Variants in OR2AT4 observed in about 807,000 individuals in gnomAD.
OR2AT4 encodes olfactory receptor family 2 subfamily AT member 4.
OR2AT4 carries 6 observed loss-of-function variants against 10.3 expected under a neutral mutation model. That is an observed-to-expected ratio of 0.58 (90% CI 0.32 to 1.15). OR2AT4 has a LOEUF of 1.15. Ranked by LOEUF, OR2AT4 falls within the 50% of genes most tolerant of loss-of-function variation. The pLI, the probability that OR2AT4 is intolerant of heterozygous loss-of-function variation, is 0.05. For synonymous variants in OR2AT4, 145 were observed against 159.1 expected (o/e 0.91, Z 0.67); for missense variants, 354 against 393.8 (o/e 0.90, Z 0.85).
chr11:75,088,682 T>G, exon 2 of OR2AT4: 3 of 1,391,448 alleles, frequency 2.2e-6, no homozygotes, highest in Non-Finnish European at 2.9e-6. Context: ...TTATCATGTA[T>G]TGAGTCCTTT....
At chr11:75,085,855 A>C (rs1203736737) in exon 2 of OR2AT4, 8 of 152,146 alleles carry the variant, frequency 5.3e-5, no homozygotes, top group Admixed American at 4.6e-4. Flanking sequence ...AATTTATATC[A>C]AAAAGCAAAG....
At chr11:75,090,659 A>G (rs1005029054) in intron 1 of OR2AT4, among the ~76,000 whole-genome samples, 5 of 152,210 alleles carry the variant, frequency 3.3e-5, no homozygotes, top group Non-Finnish European at 7.3e-5. Flanking sequence ...GATAGTCAAA[A>G]AAGGCTTACA....
At chr11:75,089,189 G>A in exon 2 of OR2AT4, 2 of 1,614,204 alleles carry the variant, frequency 1.2e-6, no homozygotes, top group South Asian at 1.1e-5. Flanking sequence ...TGTAGGCAAT[G>A]CTGTTATATG....
chr11:75,084,297 C>G (rs1402292298), exon 2 of OR2AT4: 2 of 152,146 alleles, frequency 1.3e-5, no homozygotes, highest in African/African-American at 4.8e-5. Flanking sequence ...ACCTCAGCAT[C>G]ATGAAATGTA....
At chr11:75,095,433 T>G (rs1385873775) in intron 1 of OR2AT4, among the ~76,000 whole-genome samples, 2 of 152,178 alleles carry the variant, frequency 1.3e-5, no homozygotes, top group East Asian at 3.8e-4. Flanking sequence ...CTCTTGAAGT[T>G]CCTGTGCTTC....
At chr11:75,094,012 G>A (rs960654614) in intron 1 of OR2AT4, among the ~76,000 whole-genome samples, 7 of 151,236 alleles carry the variant, frequency 4.6e-5, no homozygotes, top group African/African-American at 1.5e-4. Context: ...TAGCAGAGAC[G>A]GGGTTTCACC....
chr11:75,084,536 A>ATTATGGAAGTG (rs1208591259), exon 2 of OR2AT4: 4 of 152,242 alleles, frequency 2.6e-5, no homozygotes, highest in African/African-American at 9.6e-5. Flanking sequence ...AACACTCCAC[A>ATTATGGAAGTG]TAATAGCAGA....
chr11:75,094,013 G>C (rs1364464870), intron 1 of OR2AT4, among the ~76,000 whole-genome samples: 1 of 151,402 alleles, frequency 6.6e-6, no homozygotes, highest in African/African-American at 2.4e-5. Context: ...AGCAGAGACG[G>C]GGTTTCACCA....
At chr11:75,093,804 C>CTTTTTTTTTTTTT (rs1166766222) in intron 1 of OR2AT4, among the ~76,000 whole-genome samples, 8 of 88,368 alleles carry the variant, frequency 9.1e-5, no homozygotes, top group East Asian at 3.5e-4. Context: ...TTTTCTTTTT[C>CTTTTTTTTTTTTT]TTTTTCTTTT....
At chr11:75,096,481 C>T (rs1591787362) in intron 1 of OR2AT4, among the ~76,000 whole-genome samples, 2 of 152,188 alleles carry the variant, frequency 1.3e-5, no homozygotes, top group Admixed American at 1.3e-4. Context: ...TTAGAAAGGC[C>T]TGAGTTTCCT....
chr11:75,095,700 T>C (rs1949344262), intron 1 of OR2AT4, among the ~76,000 whole-genome samples: 1 of 141,270 alleles, frequency 7.1e-6, no homozygotes, highest in East Asian at 2.0e-4. Flanking sequence ...TTTTTTGAGA[T>C]TGAGTCTTGC....
chr11:75,092,803 T>TA (rs1009942913), intron 1 of OR2AT4, among the ~76,000 whole-genome samples: 2,715 of 145,214 alleles, frequency 0.019, 68 homozygotes, highest in African/African-American at 0.064. Flanking sequence ...AAAATAAGAT[T>TA]AAAAAAAAAA....
chr11:75,087,178 T>G (rs1245207050), exon 2 of OR2AT4: 2 of 152,228 alleles, frequency 1.3e-5, no homozygotes, highest in Admixed American at 6.5e-5. Context: ...AAGTCTCTAG[T>G]ATAATTAATA....
intron 1 of OR2AT4, among the ~76,000 whole-genome samples, chr11:75,091,859 T>C (rs1949321797): frequency 6.6e-6 from 1 of 152,218 alleles, no homozygotes; most frequent in African/African-American, 2.4e-5. Flanking sequence ...TATTGAATTG[T>C]ATACATAAGA....
At chr11:75,083,113 GGAAAAGAAA>G (rs1159437355) in exon 2 of OR2AT4, 1 of 151,376 alleles carries the variant, frequency 6.6e-6, no homozygotes, top group Non-Finnish European at 1.5e-5. Context: ...GGAGAGAGAA[GGAAAAGAAA>G]GAAAAGAAAG....
At chr11:75,091,732 G>C (rs1949321302) in intron 1 of OR2AT4, among the ~76,000 whole-genome samples, 1 of 152,194 alleles carries the variant, frequency 6.6e-6, no homozygotes, top group Non-Finnish European at 1.5e-5. Flanking sequence ...AATCAGTACA[G>C]TGATTGTCTA....
At chr11:75,089,805 G>A (rs1290620348) in exon 2 of OR2AT4, 2 of 1,274,848 alleles carry the variant, frequency 1.6e-6, no homozygotes, top group East Asian at 4.6e-5. Context: ...GGATTCTGGA[G>A]TGATAATGCT....
chr11:75,096,609 A>G (rs541719295), intron 1 of OR2AT4, among the ~76,000 whole-genome samples: 1 of 152,234 alleles, frequency 6.6e-6, no homozygotes, highest in Non-Finnish European at 1.5e-5. Context: ...TTCCAAGATC[A>G]TTAGCCTCTT....
chr11:75,092,268 T>C (rs1949323645), intron 1 of OR2AT4, among the ~76,000 whole-genome samples: 1 of 152,218 alleles, frequency 6.6e-6, no homozygotes, highest in African/African-American at 2.4e-5. Context: ...CATACATTGA[T>C]GGTAACTAGT....
Sources: gnomAD v4.1 joint callset for allele counts (sites outside exome capture counted in the v4.1 genomes callset) on GRCh38, gnomAD v4.1.1 for gene constraint, MANE v1.5 for transcripts, NCBI Gene and HGNC (gene_info 2026-07-23, HGNC 2026-07-21) for gene names.